The following SMC5 variants were observed in gnomAD, a reference collection of about 807,000 sequenced individuals.
SMC5 encodes the protein structural maintenance of chromosomes protein 5.
In SMC5, 88 loss-of-function variants were observed where a neutral mutation model predicts 148.3. The ratio of observed to expected loss-of-function variants is 0.59; its 90% CI spans 0.50 to 0.71. The LOEUF is 0.71. SMC5 is among the 30% of genes least tolerant of loss of function. The pLI, the probability that SMC5 is intolerant of heterozygous loss-of-function variation, is 0.00. For synonymous variants in SMC5, 421 were observed against 432.8 expected (o/e 0.97, Z 0.34); for missense variants, 1,142 against 1,298.9 (o/e 0.88, Z 1.86).
intron 17 of SMC5, among the ~76,000 whole-genome samples, chr9:70,337,189 G>A (rs2036380584): frequency 1.3e-5 from 2 of 152,156 alleles, no homozygotes; most frequent in Admixed American, 6.5e-5. Flanking sequence ...TACAATATTT[G>A]ATTCTGGTGC....
chr9:70,328,109 T>A (rs1202709052), intron 17 of SMC5, among the ~76,000 whole-genome samples: 1 of 152,054 alleles, frequency 6.6e-6, no homozygotes, highest in Non-Finnish European at 1.5e-5. Context: ...TCCCTCAACA[T>A]TGGGAATTAC....
chr9:70,346,780 C>A, intron 19 of SMC5, 131 bp downstream of exon 19: 1 of 908,262 alleles, frequency 1.1e-6, no homozygotes, highest in Non-Finnish European at 1.7e-6. Flanking sequence ...GTAGCATGAA[C>A]TGATACTTCT....
intron 17 of SMC5, among the ~76,000 whole-genome samples, chr9:70,337,456 T>G (rs1412813313): frequency 2.5e-5 from 1 of 39,344 alleles, no homozygotes; most frequent in African/African-American, 4.3e-5. Flanking sequence ...ATTTGTTTTT[T>G]TTTTTTTTTT....
chr9:70,341,830 G>C (rs1358013968), intron 17 of SMC5, among the ~76,000 whole-genome samples: 1 of 151,980 alleles, frequency 6.6e-6, no homozygotes, highest in Non-Finnish European at 1.5e-5. Flanking sequence ...AGACAGTGTG[G>C]CAATTCCTCA....
chr9:70,341,310 T>C (rs1223130383), intron 17 of SMC5, among the ~76,000 whole-genome samples: 1 of 152,244 alleles, frequency 6.6e-6, no homozygotes, highest in African/African-American at 2.4e-5. Context: ...AATTATCAAC[T>C]CATTGATACT....
In SMC5 at chr9:70,336,440, C is replaced by CT. The variant is rs1466074184; in HGVS notation, c.2398-7703dup. 3.9e-5 allele frequency among the ~76,000 whole-genome samples: 6 copies of CT among 152,226 alleles called. No individual in the cohort carries two copies. The East Asian group carries it at 1.2e-3, about 29-fold the overall frequency. ...GAGATGTGGAAGACAAGAAAGTCCT[C>CT]TCCCCCACTCCCCACCTTCACCAAG... is the stretch of plus-strand genomic sequence containing the variant. On this transcript the variant is annotated intron_variant, in intron 17 of 24. Coordinates refer to ENST00000361138, the MANE Select transcript of SMC5 (RefSeq NM_015110.4).
At chr9:70,296,718 G>A (rs574314103) in intron 8 of SMC5, among the ~76,000 whole-genome samples, 2 of 152,174 alleles carry the variant, frequency 1.3e-5, no homozygotes, top group Non-Finnish European at 2.9e-5. Flanking sequence ...ATTATGTGAT[G>A]TGTTAAATTT....
At position 70,259,124 on chromosome 9, in the gene SMC5, T is replaced by C. The variant is rs369707174; in HGVS notation, c.46T>C (p.Ser16Pro). Residue 16 changes from serine (S) to proline (P), a missense_variant, in exon 1 of 25, where the codon TCC (serine) becomes CCC (proline). By Grantham distance (74) the Ser-to-Pro change is moderately conservative. Transcript: ENST00000361138. ...KKTSTPSPQP[S>P]KRALPRDPSS... ...GACGTCAACTCCAAGCCCCCAGCCT[T>C]CCAAGAGAGCTCTCCCGAGAGACCC... The C allele has an allele frequency of 6.8e-6, 11 of 1,612,310 alleles. No homozygotes were observed. The highest frequency in any genetic ancestry group is 9.3e-6 in the Non-Finnish European group (11 of 1,179,224).
intron 18 of SMC5, chr9:70,346,322 T>C: frequency 2.4e-6 from 1 of 418,928 alleles, no homozygotes; most frequent in East Asian, 3.7e-5. Flanking sequence ...GTCAAGATCT[T>C]TTTCAGGGTT....
intron 17 of SMC5, among the ~76,000 whole-genome samples, chr9:70,328,807 G>A (rs1463204636): frequency 6.6e-6 from 1 of 152,176 alleles, no homozygotes; most frequent in Admixed American, 6.5e-5. Context: ...TCTCCATGAG[G>A]GCTTAGCCCC....
chr9:70,321,524 C>T (rs943458725), intron 15 of SMC5, among the ~76,000 whole-genome samples: 8 of 151,578 alleles, frequency 5.3e-5, no homozygotes, highest in African/African-American at 1.9e-4. Context: ...TCCTGAGTGG[C>T]TGGGACCACA....
chr9:70,271,044 C>T (rs1040589137), intron 3 of SMC5, among the ~76,000 whole-genome samples: 27 of 150,606 alleles, frequency 1.8e-4, no homozygotes, highest in African/African-American at 6.4e-4. Context: ...AGAATATTTG[C>T]ATTATACTTA....
chr9:70,287,426 A>T (rs1236877863), intron 8 of SMC5, among the ~76,000 whole-genome samples: 1 of 152,130 alleles, frequency 6.6e-6, no homozygotes, highest in Non-Finnish European at 1.5e-5. Context: ...CGACAAAATT[A>T]TGTTAGGATG....
Position 70,300,067 on chromosome 9 carries a change from G to A in SMC5, c.1331G>A (p.Arg444His), listed in dbSNP as rs369578475. 9 of 1,584,828 alleles carry A rather than the reference G, an allele frequency of 5.7e-6. No individual in the cohort carries two copies. The highest frequency in any genetic ancestry group is 3.5e-5 in the South Asian group (3 of 85,316). The change falls in exon 10 of 25, where the codon CGT (arginine) becomes CAT (histidine). Residue 444 changes from arginine (R) to histidine (H), a missense_variant. Physicochemically the swap from Arg to His is conservative, Grantham distance 29 (BLOSUM62 0). Transcript: ENST00000361138. ...TTAGGTGTGGACGATCATATTGTAC[G>A]TTTTGACAATCTTATGAATCAGAAG... Reference protein sequence around the residue: ...EKKSVDDHIVRFDNLMNQKED... With the variant: ...EKKSVDDHIVHFDNLMNQKED...
In SMC5 at chr9:70,332,523, C is replaced by CAA. The variant is rs57524323; in HGVS notation, c.2397+8400_2397+8401dup. Among the ~76,000 whole-genome samples, 456 of 104,148 alleles carry CAA rather than the reference C, an allele frequency of 4.4e-3. 6 individuals are homozygous for CAA. The highest frequency in any genetic ancestry group is 0.015 in the African/African-American group (410 of 27,110). 68.3% of individuals were successfully genotyped at this position (104,148 alleles called of 152,430 possible). On this transcript the variant is annotated intron_variant, in intron 17 of 24. Coordinates refer to ENST00000361138, the MANE Select transcript of SMC5 (RefSeq NM_015110.4). ...TGGGTGACAGAGTGAGACCCTGTCTCAAAAAAAAAAAAAAAAAAAAAGAAT... is the reference window on the plus strand; with the variant it reads ...TGGGTGACAGAGTGAGACCCTGTCTCAAAAAAAAAAAAAAAAAAAAAAAGAAT...
chr9:70,301,249 A>G (rs918178300), intron 10 of SMC5, among the ~76,000 whole-genome samples: 1 of 152,216 alleles, frequency 6.6e-6, no homozygotes, highest in Non-Finnish European at 1.5e-5. Flanking sequence ...TGCCAGTGTC[A>G]GAATAATACT....
At position 70,347,884 on chromosome 9, in the gene SMC5, T is replaced by C. The variant is rs1048592051; in HGVS notation, c.2770-35T>C. 3.2e-6 allele frequency: 5 copies of C among 1,552,764 alleles called. No homozygotes were observed. In the African/African-American group the frequency reaches 5.5e-5, roughly 17 times the overall value. On this transcript the variant is annotated intron_variant, in intron 21 of 24. Transcript: ENST00000361138. ...TGTGTCAGAATATAGTAATACTGCT[T>C]TTAAATTGTGTTTTTATATTGCCTT...
At chr9:70,319,922 A>G (rs1369244042) in intron 15 of SMC5, among the ~76,000 whole-genome samples, 1 of 152,230 alleles carries the variant, frequency 6.6e-6, no homozygotes, top group African/African-American at 2.4e-5. Flanking sequence ...CAGTGGATAC[A>G]GATTTTCTAA....
chr9:70,341,211 G>C (rs914384306), intron 17 of SMC5, among the ~76,000 whole-genome samples: 1 of 151,996 alleles, frequency 6.6e-6, no homozygotes, highest in Non-Finnish European at 1.5e-5. Flanking sequence ...CATATGTATA[G>C]AATATTTTCT....
Sources: gnomAD v4.1 joint callset for allele counts (sites outside exome capture counted in the v4.1 genomes callset) on GRCh38, gnomAD v4.1.1 for gene constraint, MANE v1.5 for transcripts, NCBI Gene and HGNC (gene_info 2026-07-23, HGNC 2026-07-21) for gene names.